Variants in BSPH1 observed in about 807,000 individuals in gnomAD.
BSPH1 encodes binder of sperm 1.
BSPH1 carries 21 observed loss-of-function variants against 22.5 expected under a neutral mutation model. That is an observed-to-expected ratio of 0.93 (90% CI 0.66 to 1.35). The LOEUF (loss-of-function observed/expected upper bound fraction) is 1.35, where lower values mean the gene tolerates loss of function less well. Ranked by LOEUF, BSPH1 falls within the 40% of genes most tolerant of loss-of-function variation. The probability of loss-of-function intolerance (pLI) is 0.00; values close to 1 mark genes in which losing one functional copy is unlikely to be tolerated. For missense variants in BSPH1, 141 were observed against 154.2 expected, an observed-to-expected ratio of 0.91 and a Z score of 0.45; for synonymous variants, 42 against 53.6, an observed-to-expected ratio of 0.78 and a Z score of 0.95.
chr19:47,970,308 G>A (rs1016839470), intron 5 of BSPH1, among the ~76,000 whole-genome samples: 3 of 152,080 alleles, frequency 2.0e-5, no homozygotes, highest in Non-Finnish European at 2.9e-5. Context: ...ATCCACCTAC[G>A]TCAGCCTCCC....
At chr19:47,972,271 C>A (rs1200884397) in intron 5 of BSPH1, among the ~76,000 whole-genome samples, 1 of 142,190 alleles carries the variant, frequency 7.0e-6, no homozygotes, top group African/African-American at 2.5e-5. Context: ...CCATGCTAAC[C>A]TTGATATTCT....
chr19:47,979,709 ATT>A, intron 2 of BSPH1, 110 bp from the exon 3 acceptor site: 2 of 502,342 alleles, frequency 4.0e-6, no homozygotes, highest in Non-Finnish European at 7.1e-6. Flanking sequence ...AAAAAGTGAT[ATT>A]GTTATGGCAT....
rs112087101 is a variant in BSPH1 at position 47,978,988 on chromosome 19, A to C, written c.124+582T>G. Among the ~76,000 whole-genome samples the C allele has an allele frequency of 9.2e-3, 1,405 of 152,372 alleles. 20 individuals carry two copies. Among genetic ancestry groups the C allele is most frequent in the African/African-American group, 0.031 (1,308 of 41,600 alleles). Reference sequence around the variant, plus strand: ...GTTTAAAACCATGGATTATTCTAATATATCCTGGGATCCATTCTATATTTT... The same window carrying C: ...GTTTAAAACCATGGATTATTCTAATCTATCCTGGGATCCATTCTATATTTT... On this transcript the variant is annotated intron_variant, in intron 3 of 5. Coordinates refer to ENST00000344839, the MANE Select transcript of BSPH1 (RefSeq NM_001128326.2).
At position 47,981,740 on chromosome 19, in the gene BSPH1, C is replaced by G. The variant is rs1969422027; in HGVS notation, c.74-799G>C. 3.1e-6 allele frequency: 3 copies of G among 976,038 alleles called. No homozygotes were observed. In the South Asian group the frequency reaches 1.4e-4, roughly 46 times the overall value. 60.5% of individuals were successfully genotyped at this position (976,038 alleles called of 1,614,324 possible). ...TCCCCAGTTTGAATATCCTAATATTCTTGGAATGAAGGAAACTGCCTGATA... is the reference window on the plus strand; with the variant it reads ...TCCCCAGTTTGAATATCCTAATATTGTTGGAATGAAGGAAACTGCCTGATA... On this transcript the variant is annotated intron_variant, in intron 1 of 5. Coordinates refer to ENST00000344839, the MANE Select transcript of BSPH1 (RefSeq NM_001128326.2).
In BSPH1 at chr19:47,979,613, T is replaced by C; in HGVS notation, c.95-14A>G. 2 of 1,280,930 alleles carry C rather than the reference T, an allele frequency of 1.6e-6. No homozygotes were observed. Among genetic ancestry groups the C allele is most frequent in the Non-Finnish European group, 2.1e-6 (2 of 938,278 alleles). 79.3% of individuals were successfully genotyped at this position (1,280,930 alleles called of 1,614,324 possible). On this transcript the variant is annotated splice_polypyrimidine_tract_variant and intron_variant, in intron 2 of 5. Coordinates refer to ENST00000344839, the MANE Select transcript of BSPH1 (RefSeq NM_001128326.2). ...GAGTTATAGTTTCTGAAAAATAAAA[T>C]TTAGAGCTGACATTTATTTCACTAT...
chr19:47,979,430 T>C, intron 3 of BSPH1, 140 bp downstream of exon 3: 1 of 484,796 alleles, frequency 2.1e-6, no homozygotes, highest in Non-Finnish European at 3.7e-6. Flanking sequence ...TTTCTTTATC[T>C]GTTTATGAGG....
intron 5 of BSPH1, among the ~76,000 whole-genome samples, chr19:47,969,314 G>A (rs938588049): frequency 3.9e-5 from 6 of 152,158 alleles, no homozygotes; most frequent in African/African-American, 1.4e-4. Flanking sequence ...CTGGCCTGGG[G>A]ATATGAAGCA....
At position 47,977,585 on chromosome 19, in the gene BSPH1, T is replaced by C; in HGVS notation, c.125-81A>G. On this transcript the variant is annotated intron_variant, in intron 3 of 5. Coordinates refer to ENST00000344839, the MANE Select transcript of BSPH1 (RefSeq NM_001128326.2). Reference sequence around the variant, plus strand: ...AAGCGACTGTCTTCCTAGGCGCTGTTGCCCTTTGAAATCAGAGTCATTGGC... The same window carrying C: ...AAGCGACTGTCTTCCTAGGCGCTGTCGCCCTTTGAAATCAGAGTCATTGGC... 3 of 1,510,536 alleles carry C rather than the reference T, an allele frequency of 2.0e-6. 1 individual carries two copies. The South Asian group carries it at 3.9e-5, about 20-fold the overall frequency. 93.6% of individuals were successfully genotyped at this position (1,510,536 alleles called of 1,614,324 possible).
chr19:47,976,909 ACCT>A, intron 4 of BSPH1, 55 bp from the exon 5 acceptor site: 1 of 1,498,510 alleles, frequency 6.7e-7, no homozygotes, highest in Non-Finnish European at 9.1e-7. Flanking sequence ...ATTTGCACCC[ACCT>A]CCACCACACC....
intron 1 of BSPH1, among the ~76,000 whole-genome samples, chr19:47,983,812 T>C (rs368510680): frequency 5.3e-5 from 8 of 151,330 alleles, no homozygotes; most frequent in Non-Finnish European, 8.8e-5. Flanking sequence ...AGAGCACATA[T>C]TGTAACTCCA....
chr19:47,985,666 C>G (rs1381051462), intron 1 of BSPH1, among the ~76,000 whole-genome samples: 1 of 151,942 alleles, frequency 6.6e-6, no homozygotes, highest in Admixed American at 6.6e-5. Flanking sequence ...GAAACCCTGT[C>G]TCTACTAAAA....
chr19:47,983,082 T>C (rs756599482), intron 1 of BSPH1, among the ~76,000 whole-genome samples: 2 of 152,162 alleles, frequency 1.3e-5, no homozygotes, highest in Non-Finnish European at 2.9e-5. Flanking sequence ...GGTTCCAGTA[T>C]ATAGGGAAGA....
chr19:47,977,671 A>G (rs1969378048), intron 3 of BSPH1, 167 bp from the exon 4 acceptor site: 1 of 985,282 alleles, frequency 1.0e-6, no homozygotes, highest in African/African-American at 1.7e-5. Flanking sequence ...TCTAATGACA[A>G]AGCTCTTTTG....
At chr19:47,978,692 G>A (rs987756164) in intron 3 of BSPH1, among the ~76,000 whole-genome samples, 8 of 152,264 alleles carry the variant, frequency 5.3e-5, no homozygotes, top group East Asian at 1.9e-4. Context: ...TCATTAGCAC[G>A]AAGCATTTAC....
At chr19:47,976,943 A>G (rs1969370899) in intron 4 of BSPH1, 89 bp from the exon 5 acceptor site, 3 of 1,239,022 alleles carry the variant, frequency 2.4e-6, no homozygotes, top group African/African-American at 3.0e-5. Context: ...ATGCACACAT[A>G]TGCACACATG....
intron 5 of BSPH1, among the ~76,000 whole-genome samples, chr19:47,969,005 A>T (rs1342146951): frequency 2.3e-4 from 11 of 48,790 alleles, no homozygotes; most frequent in Non-Finnish European, 7.0e-4. Flanking sequence ...TCTCAGATTA[A>T]AAAAAAAAAA....
rs770125279 is a variant in BSPH1, at chr19:47,976,582, G to GAAAAAA, written c.*2+122_*2+127dup. On this transcript the variant is annotated intron_variant, in intron 5 of 5. Coordinates refer to ENST00000344839, the MANE Select transcript of BSPH1 (RefSeq NM_001128326.2). Reference sequence around the variant, plus strand: ...TAGATCACCTTCAACTCACATCCCAGAAAAAAAAAAAAAACAAAAAAAAAC... The same window carrying GAAAAAA: ...TAGATCACCTTCAACTCACATCCCAGAAAAAAAAAAAAAAAAAAAACAAAAAAAAAC... 182 of 414,776 alleles carry GAAAAAA rather than the reference G, an allele frequency of 4.4e-4. 5 individuals are homozygous for GAAAAAA. The highest frequency in any genetic ancestry group is 1.1e-3 in the South Asian group (35 of 32,190). The allele number at this position is 414,776 out of a possible 1,614,324, so 25.7% of individuals were successfully genotyped here.
chr19:47,992,089 C>A lies in BSPH1; in HGVS notation c.-8G>T. On this transcript the variant is annotated 5_prime_UTR_variant, in exon 1 of 6. Transcript: ENST00000344839. ...AAGCATCAGGGAGCCCATGGGCAGT[C>A]ACAGGCTTCCCGGTATCTCAGATCT... is the stretch of plus-strand genomic sequence containing the variant. 1 of 1,550,428 alleles carries A rather than the reference C, an allele frequency of 6.4e-7. No homozygotes were observed. The highest frequency in any genetic ancestry group is 1.2e-5 in the South Asian group (1 of 83,982).
At chr19:47,971,354 T>C (rs973836366) in intron 5 of BSPH1, among the ~76,000 whole-genome samples, 4 of 152,264 alleles carry the variant, frequency 2.6e-5, no homozygotes, top group African/African-American at 9.6e-5. Context: ...TACAGGCGCA[T>C]GCCACCAAGC....
Sources: allele counts gnomAD v4.1 joint callset (sites outside exome capture counted in the v4.1 genomes callset), GRCh38; gene constraint gnomAD v4.1.1; transcripts MANE v1.5; gene names NCBI Gene and HGNC (gene_info 2026-07-23, HGNC 2026-07-21).